Variants in RNF214 observed in about 807,000 individuals in gnomAD.
RNF214 encodes the protein ring finger protein 214.
A neutral mutation model predicts 75.9 loss-of-function variants in RNF214; 25 were observed. That is an observed-to-expected ratio of 0.33 (90% CI 0.24 to 0.46). The LOEUF is 0.46. Ranked by LOEUF, RNF214 falls within the 20% of genes least tolerant of loss-of-function variation. RNF214 has a pLI of 1.00. For synonymous variants in RNF214, 314 were observed against 308.8 expected (o/e 1.02, Z -0.18); for missense variants, 725 against 857.5 (o/e 0.85, Z 1.93).
intron 6 of RNF214, among the ~76,000 whole-genome samples, chr11:117,251,384 C>A (rs2033382903): frequency 1.5e-5 from 2 of 132,112 alleles, no homozygotes; most frequent in African/African-American, 2.8e-5. Context: ...GGGGGGCTGA[C>A]CCCCCCACCT....
At chr11:117,267,343 A>T (rs1208906563) in intron 6 of RNF214, among the ~76,000 whole-genome samples, 1 of 152,072 alleles carries the variant, frequency 6.6e-6, no homozygotes, top group Non-Finnish European at 1.5e-5. Flanking sequence ...GGAGGTTAAT[A>T]GTTTTAACTT....
In RNF214 at chr11:117,282,250, C is replaced by T; in HGVS notation, c.1692C>T (p.Thr564=). 1.3e-6 allele frequency: 2 copies of T among 1,597,340 alleles called. No homozygotes were observed. Among genetic ancestry groups the T allele is most frequent in the South Asian group, 1.1e-5 (1 of 88,602 alleles). The change falls in exon 11 of 15, where the codon ACC becomes ACT. Residue 564 remains threonine, a synonymous_variant. Transcript: ENST00000300650. ...KLEKILEKLL[T]RFPQCNKAQM... is the part of the protein sequence containing the mutation. ...AGAAGATCCTGGAGAAGCTGCTGACCCGGTTCCCACAGTGCAATAAGTAAG... is the reference window on the plus strand; with the variant it reads ...AGAAGATCCTGGAGAAGCTGCTGACTCGGTTCCCACAGTGCAATAAGTAAG...
intron 5 of RNF214, among the ~76,000 whole-genome samples, chr11:117,246,401 G>A (rs955464590): frequency 3.3e-5 from 5 of 152,020 alleles, no homozygotes; most frequent in Admixed American, 6.6e-5. Context: ...ACATAATAAA[G>A]TAGAATCACA....
intron 9 of RNF214, 44 bp downstream of exon 9, chr11:117,281,448 G>A: frequency 2.0e-6 from 3 of 1,504,856 alleles, no homozygotes; most frequent in Non-Finnish European, 2.8e-6. Flanking sequence ...GTTAGTCTGT[G>A]CTTAACACTT....
Position 117,250,532 on chromosome 11 carries a change from C to CA in RNF214, c.959+3592dup, listed in dbSNP as rs576704482. ...GTTAAGTGTCATGATGTAAATGTGG[C>CA]AAAAAAAATGCAACAACTGGTAAAT... On this transcript the variant is annotated intron_variant, in intron 6 of 14. Coordinates refer to ENST00000300650, the MANE Select transcript of RNF214 (RefSeq NM_207343.4). Among the ~76,000 whole-genome samples, 786 of 149,918 alleles carry CA rather than the reference C, an allele frequency of 5.2e-3. 2 individuals are homozygous for CA. Among genetic ancestry groups the CA allele is most frequent in the Non-Finnish European group, 8.5e-3 (571 of 67,524 alleles).
chr11:117,282,542 A>G lies in RNF214; in HGVS notation c.1845+6A>G, dbSNP rs1482510783. The G allele has an allele frequency of 6.2e-7, 1 of 1,613,634 alleles. No homozygotes were observed. Among genetic ancestry groups the G allele is most frequent in the Admixed American group, 1.7e-5 (1 of 59,928 alleles). On this transcript the variant is annotated splice_donor_region_variant and intron_variant, in intron 12 of 14. Coordinates refer to ENST00000300650, the MANE Select transcript of RNF214 (RefSeq NM_207343.4). ...GGGTGGCAGCAAGTACTCAGGTGAG[A>G]AAAGCCACTTGGGAGAGAACTTAGG...
chr11:117,275,358 A>C (rs1203268231), intron 6 of RNF214, among the ~76,000 whole-genome samples: 4 of 152,206 alleles, frequency 2.6e-5, no homozygotes, highest in Non-Finnish European at 5.9e-5. Flanking sequence ...CTAAAAAAAC[A>C]GGAAGAAACC....
Position 117,281,597 on chromosome 11 carries a change from TAGGA to T in RNF214, c.1237-2_1238del. ...CAGTAAAAATAATCCTTTTTTTTTT[TAGGA>T]CCAATTTAATAGTCATATCCAGTTA... On this transcript the variant is annotated splice_acceptor_variant and coding_sequence_variant, in exon 10 of 15. Transcript: ENST00000300650. LOFTEE classifies it high-confidence loss of function. The T allele has an allele frequency of 2.5e-6, 4 of 1,600,690 alleles. No individual in the cohort carries two copies. In the Admixed American group the frequency reaches 6.7e-5, roughly 27 times the overall value.
At chr11:117,274,219 A>G (rs1326656324) in intron 6 of RNF214, among the ~76,000 whole-genome samples, 3 of 152,156 alleles carry the variant, frequency 2.0e-5, no homozygotes, top group Non-Finnish European at 4.4e-5. Context: ...TTACATGTGC[A>G]ATGTGCATAC....
chr11:117,280,088 A>G, intron 7 of RNF214, 83 bp from the exon 8 acceptor site: 1 of 1,484,792 alleles, frequency 6.7e-7, no homozygotes, highest in Non-Finnish European at 9.4e-7. Flanking sequence ...TAGGAGAGCC[A>G]GTAAGCATTT....
At chr11:117,262,586 T>C (rs1158124370) in intron 6 of RNF214, among the ~76,000 whole-genome samples, 1 of 151,756 alleles carries the variant, frequency 6.6e-6, no homozygotes, top group African/African-American at 2.4e-5. Context: ...CTCGCTATAT[T>C]GTCTAGGTTG....
chr11:117,283,364 TGTTTTGTTTTGTTTTAGACA>T (rs1303627172), intron 14 of RNF214, among the ~76,000 whole-genome samples, 154 bp downstream of exon 14: 1 of 152,024 alleles, frequency 6.6e-6, no homozygotes, highest in Non-Finnish European at 1.5e-5. Context: ...TTTTTTGTTT[TGTTTTGTTTTGTTTTAGACA>T]GAGTCTCGCT....
At chr11:117,267,891 TGCATCCCA>T (rs2033830609) in intron 6 of RNF214, among the ~76,000 whole-genome samples, 1 of 152,210 alleles carries the variant, frequency 6.6e-6, no homozygotes, top group African/African-American at 2.4e-5. Context: ...AAAATCTTCT[TGCATCCCA>T]GAAAACCTCT....
chr11:117,257,447 CAT>C (rs1335281360), intron 6 of RNF214, among the ~76,000 whole-genome samples: 5 of 152,178 alleles, frequency 3.3e-5, no homozygotes. Flanking sequence ...TAAAAAATAA[CAT>C]CACCGTTGGA....
chr11:117,283,221 C>T lies in RNF214; in HGVS notation c.2046+11C>T, dbSNP rs759130414. ...GTATTGCACAAGGAGGTAGGTGTTACAGACCTTCCTCATTTTCTACACTTT... is the reference window on the plus strand; with the variant it reads ...GTATTGCACAAGGAGGTAGGTGTTATAGACCTTCCTCATTTTCTACACTTT... On this transcript the variant is annotated intron_variant, in intron 14 of 14. Transcript: ENST00000300650. The T allele has an allele frequency of 4.5e-6, 7 of 1,547,470 alleles. No homozygotes were observed. Among genetic ancestry groups the T allele is most frequent in the Non-Finnish European group, 6.2e-6 (7 of 1,124,360 alleles).
chr11:117,258,161 C>T (rs2033568325), intron 6 of RNF214, among the ~76,000 whole-genome samples: 1 of 151,960 alleles, frequency 6.6e-6, no homozygotes, highest in South Asian at 2.1e-4. Context: ...CTTTGCCTTC[C>T]AGGTTCAAGC....
intron 6 of RNF214, among the ~76,000 whole-genome samples, chr11:117,264,411 A>C (rs1328890422): frequency 2.6e-5 from 4 of 152,178 alleles, no homozygotes; most frequent in African/African-American, 9.7e-5. Context: ...GCAGTTTCTC[A>C]ATATACTCAT....
At chr11:117,281,492 T>C in intron 9 of RNF214, 88 bp downstream of exon 9, 1 of 1,375,008 alleles carries the variant, frequency 7.3e-7, no homozygotes, top group South Asian at 1.2e-5. Flanking sequence ...TGCATTGCCA[T>C]TTGGGGCCTA....
At chr11:117,281,488 G>A in intron 9 of RNF214, 84 bp downstream of exon 9, 2 of 1,359,334 alleles carry the variant, frequency 1.5e-6, no homozygotes, top group South Asian at 2.3e-5. Flanking sequence ...CTTTTGCATT[G>A]CCATTTGGGG....
Sources: allele counts gnomAD v4.1 joint callset (sites outside exome capture counted in the v4.1 genomes callset), GRCh38; gene constraint gnomAD v4.1.1; transcripts MANE v1.5; gene names NCBI Gene and HGNC (gene_info 2026-07-23, HGNC 2026-07-21).